Variants in NLRX1 observed in about 807,000 individuals in gnomAD.
NLRX1 encodes NOD-like receptor X1.
In NLRX1, 67 loss-of-function variants were observed where a neutral mutation model predicts 74.2. The ratio of observed to expected loss-of-function variants is 0.90; its 90% CI spans 0.74 to 1.11. The LOEUF is 1.11. NLRX1 is among the 50% of genes least tolerant of loss of function. The pLI, the probability that NLRX1 is intolerant of heterozygous loss-of-function variation, is 0.00. For synonymous variants in NLRX1, 506 were observed against 559.1 expected (o/e 0.91, Z 1.34); for missense variants, 1,191 against 1,305.4 (o/e 0.91, Z 1.35).
At chr11:119,180,633 G>A (rs927275354) in intron 7 of NLRX1, among the ~76,000 whole-genome samples, 1 of 150,670 alleles carries the variant, frequency 6.6e-6, no homozygotes, top group African/African-American at 2.4e-5. Flanking sequence ...CCTGGGAGGC[G>A]GAGGTTGCGG....
chr11:119,178,509 G>A (rs1260922216), intron 6 of NLRX1, among the ~76,000 whole-genome samples: 1 of 152,124 alleles, frequency 6.6e-6, no homozygotes, highest in Non-Finnish European at 1.5e-5. Flanking sequence ...AACCATATAA[G>A]GAAAAATTAC....
intron 7 of NLRX1, among the ~76,000 whole-genome samples, chr11:119,180,891 A>G (rs1489426873): frequency 6.6e-6 from 1 of 151,842 alleles, no homozygotes; most frequent in Admixed American, 6.6e-5. Flanking sequence ...AAATTAAAAA[A>G]TTAGTCAGGT....
chr11:119,171,095 A>G (rs768907223), intron 1 of NLRX1, among the ~76,000 whole-genome samples: 7 of 152,202 alleles, frequency 4.6e-5, no homozygotes, highest in Non-Finnish European at 8.8e-5. Flanking sequence ...ATGAGCCACA[A>G]TCATGCCTGG....
chr11:119,179,552 T>G (rs1592333375), intron 6 of NLRX1, 141 bp from the exon 7 acceptor site: 2 of 640,568 alleles, frequency 3.1e-6, no homozygotes, highest in Non-Finnish European at 5.2e-6. Context: ...AGCAGGGGAG[T>G]AGCATGATCA....
intron 6 of NLRX1, among the ~76,000 whole-genome samples, chr11:119,179,056 C>T (rs1269216244): frequency 2.0e-5 from 3 of 152,096 alleles, no homozygotes; most frequent in Non-Finnish European, 4.4e-5. Flanking sequence ...AGGAGCATAG[C>T]GAGTGGGGCC....
In NLRX1 at chr11:119,183,091, T is replaced by C; in HGVS notation, c.2607-27T>C. 1 of 1,606,276 alleles carries C rather than the reference T, an allele frequency of 6.2e-7. No homozygotes were observed. ...CCCTCCTTCTCAGAGCTCTACTGAA[T>C]GGCATCGACTTTCTCTCTCCTGCCA... On this transcript the variant is annotated intron_variant, in intron 9 of 9. Transcript: ENST00000409109. This position sits in a 1 kb window ranked among gnomAD's most constrained non-coding sequence, Gnocchi z 5.7.
intron 5 of NLRX1, 34 bp downstream of exon 5, chr11:119,174,132 G>A (rs775295065): frequency 6.2e-7 from 1 of 1,603,350 alleles, no homozygotes; most frequent in South Asian, 1.1e-5. Flanking sequence ...TATCACTGCT[G>A]CCCGTTGACT....
intron 2 of NLRX1, among the ~76,000 whole-genome samples, chr11:119,172,071 C>G (rs751586823): frequency 4.6e-5 from 7 of 152,144 alleles, no homozygotes; most frequent in Non-Finnish European, 7.3e-5. Flanking sequence ...GAGTGCCTGC[C>G]GTACCGCAGA....
chr11:119,173,752 T>G lies in NLRX1; in HGVS notation c.503T>G (p.Val168Gly), dbSNP rs759723733. Residue 168 changes from valine (V) to glycine (G), a missense_variant, in exon 5 of 10, where the codon GTG becomes GGG. Coordinates refer to ENST00000409109, the MANE Select transcript of NLRX1 (RefSeq NM_001282144.2). The surrounding 1 kb of genome is among the most constrained non-coding windows in gnomAD (Gnocchi z 4.0). ...CAGACAGTGGTGCTGTATGGGACAG[T>G]GGGCACAGGCAAGAGCACGCTGGTG... ...RVQTVVLYGT[V>G]GTGKSTLVRK... The G allele has an allele frequency of 6.2e-7, 1 of 1,613,748 alleles. No homozygotes were observed. The highest frequency in any genetic ancestry group is 8.5e-7 in the Non-Finnish European group (1 of 1,180,010).
In NLRX1 at chr11:119,183,485, C is replaced by G; in HGVS notation, c.*46C>G. ...AGCTATGTGACCACTGGCCCTAAAC[C>G]TTTTCCCTCTGTGGCCTCCTGGCTT... On this transcript the variant is annotated 3_prime_UTR_variant, in exon 10 of 10. Coordinates refer to ENST00000409109, the MANE Select transcript of NLRX1 (RefSeq NM_001282144.2). The surrounding 1 kb of genome is among the most constrained non-coding windows in gnomAD (Gnocchi z 5.7). 1.3e-6 allele frequency: 2 copies of G among 1,547,474 alleles called. No homozygotes were observed. The highest frequency in any genetic ancestry group is 1.7e-6 in the Non-Finnish European group (2 of 1,143,118).
rs768852522 is a variant in NLRX1 at position 119,182,202 on chromosome 11, C to T, written c.2463C>T (p.Asp821=). ...HLSLLHTGLG[D]EGLELLAAQL... ...CCCTGCTGCACACGGGCCTTGGGGA[C>T]GAAGGCCTGGAGCTGCTGGCTGCCC... The change falls in exon 9 of 10, where the codon GAC becomes GAT. Residue 821 remains aspartate, a synonymous_variant. Coordinates refer to ENST00000409109, the MANE Select transcript of NLRX1 (RefSeq NM_001282144.2). 2.2e-5 allele frequency: 36 copies of T among 1,613,952 alleles called. No individual in the cohort carries two copies. Among genetic ancestry groups the T allele is most frequent in the South Asian group, 1.6e-4 (15 of 91,088 alleles).
intron 8 of NLRX1, 45 bp from the exon 9 acceptor site, chr11:119,182,049 T>G: frequency 6.3e-7 from 1 of 1,597,926 alleles, no homozygotes; most frequent in African/African-American, 1.3e-5. Flanking sequence ...TGCCTCCCCC[T>G]CCTCTCAATG....
chr11:119,183,712 G>T lies in NLRX1; in HGVS notation c.*273G>T, dbSNP rs756134189. 1.3e-6 allele frequency: 1 copy of T among 769,694 alleles called. No individual in the cohort carries two copies. The highest frequency in any genetic ancestry group is 1.7e-5 in the Admixed American group (1 of 58,140). The allele number at this position is 769,694 out of a possible 1,614,324, so 47.7% of individuals were successfully genotyped here. The stretch of plus-strand genomic sequence containing the variant: ...AGAAGGACCAAAGCATGTGGCATTT[G>T]GATGGCCAGAGTGCCCTGAAGCACC... On this transcript the variant is annotated 3_prime_UTR_variant, in exon 10 of 10. Transcript: ENST00000409109. The surrounding 1 kb of genome is among the most constrained non-coding windows in gnomAD (Gnocchi z 5.7).
intron 8 of NLRX1, 61 bp from the exon 9 acceptor site, chr11:119,182,033 C>A (rs1047153073): frequency 6.3e-7 from 1 of 1,586,662 alleles, no homozygotes; most frequent in East Asian, 2.2e-5. Flanking sequence ...GTACCACCCC[C>A]AACCTTGCCT....
At chr11:119,182,487 C>T in intron 9 of NLRX1, 142 bp downstream of exon 9, 2 of 1,241,164 alleles carry the variant, frequency 1.6e-6, no homozygotes, top group Non-Finnish European at 2.2e-6. Flanking sequence ...TGATCCTTGT[C>T]AACCTAGCTC....
intron 2 of NLRX1, 47 bp downstream of exon 2, chr11:119,171,520 C>A: frequency 7.0e-7 from 1 of 1,419,970 alleles, no homozygotes; most frequent in Non-Finnish European, 9.9e-7. Flanking sequence ...TCTTGCTTTC[C>A]AGGGTCCACA....
chr11:119,176,033 A>G (rs888402208), intron 6 of NLRX1, among the ~76,000 whole-genome samples: 5 of 152,182 alleles, frequency 3.3e-5, no homozygotes, highest in African/African-American at 1.2e-4. Flanking sequence ...AGATCACTCA[A>G]ATAGTAAGTT....
Position 119,183,473 on chromosome 11 carries a change from C to A in NLRX1, c.*34C>A. The A allele has an allele frequency of 6.3e-7, 1 of 1,582,500 alleles. No individual in the cohort carries two copies. Among genetic ancestry groups the A allele is most frequent in the Non-Finnish European group, 8.6e-7 (1 of 1,165,996 alleles). On this transcript the variant is annotated 3_prime_UTR_variant, in exon 10 of 10. Transcript: ENST00000409109. This position sits in a 1 kb window ranked among gnomAD's most constrained non-coding sequence, Gnocchi z 5.7. Reference sequence around the variant, plus strand: ...CGGCAGGCACCTAGCTATGTGACCACTGGCCCTAAACCTTTTCCCTCTGTG... The same window carrying A: ...CGGCAGGCACCTAGCTATGTGACCAATGGCCCTAAACCTTTTCCCTCTGTG...
intron 6 of NLRX1, 142 bp from the exon 7 acceptor site, chr11:119,179,551 G>A: frequency 6.1e-6 from 4 of 652,746 alleles, no homozygotes; most frequent in Non-Finnish European, 1.0e-5. Flanking sequence ...CAGCAGGGGA[G>A]TAGCATGATC....
Sources: allele counts gnomAD v4.1 joint callset (sites outside exome capture counted in the v4.1 genomes callset), GRCh38; gene constraint gnomAD v4.1.1; non-coding constraint Gnocchi (gnomAD v3.1); transcripts MANE v1.5; gene names NCBI Gene and HGNC (gene_info 2026-07-23, HGNC 2026-07-21).